Variants in MGMT observed in about 807,000 individuals in gnomAD.
MGMT encodes the protein methylated-DNA--protein-cysteine methyltransferase.
Under a neutral mutation model 15.9 loss-of-function variants are expected in MGMT, and 14 were observed. The observed-to-expected ratio is 0.88, with a 90% confidence interval of 0.58 to 1.37. MGMT has a LOEUF of 1.37. MGMT is among the 40% of genes most tolerant of loss of function. MGMT has a pLI of 0.00. For synonymous variants in MGMT, 130 were observed against 118.2 expected (o/e 1.10, Z -0.65); for missense variants, 282 against 268.1 (o/e 1.05, Z -0.36).
chr10:129,693,164 G>C (rs1847988598), intron 2 of MGMT, among the ~76,000 whole-genome samples: 1 of 152,202 alleles, frequency 6.6e-6, no homozygotes, highest in Admixed American at 6.5e-5. Context: ...TGGGACCACA[G>C]GAAAGGAGAA....
chr10:129,612,220 G>T (rs1846968900), intron 2 of MGMT, among the ~76,000 whole-genome samples: 1 of 152,210 alleles, frequency 6.6e-6, no homozygotes, highest in African/African-American at 2.4e-5. Context: ...ATAAAGGATT[G>T]TGGAGATGCA....
intron 2 of MGMT, among the ~76,000 whole-genome samples, chr10:129,672,643 T>G (rs1847737691): frequency 6.6e-6 from 1 of 152,232 alleles, no homozygotes; most frequent in Non-Finnish European, 1.5e-5. Context: ...ATAGAATACA[T>G]TATTTCAATG....
At chr10:129,724,773 C>A (rs866008013) in intron 3 of MGMT, among the ~76,000 whole-genome samples, 56 of 152,202 alleles carry the variant, frequency 3.7e-4, no homozygotes, top group Non-Finnish European at 7.3e-5. Flanking sequence ...CATTGTAAAA[C>A]TCTTCCAACT....
intron 2 of MGMT, among the ~76,000 whole-genome samples, chr10:129,657,650 G>C (rs1003963824): frequency 6.7e-6 from 1 of 148,542 alleles, no homozygotes; most frequent in South Asian, 2.1e-4. Context: ...GAGCTGGGGG[G>C]GGGACAGGCT....
intron 1 of MGMT, among the ~76,000 whole-genome samples, chr10:129,520,880 A>G (rs34189944): frequency 0.27 from 36,190 of 132,276 alleles, 5,331 homozygotes; most frequent in African/African-American, 0.46. Context: ...GAGCCCCTAC[A>G]GTGCGGGTGC....
chr10:129,478,212 A>T (rs1845316756), intron 1 of MGMT, among the ~76,000 whole-genome samples: 1 of 105,850 alleles, frequency 9.4e-6, no homozygotes, highest in South Asian at 4.1e-4. Flanking sequence ...GTTCATTGGG[A>T]TTCTTTTTGT....
chr10:129,746,032 G>A (rs1294903715), intron 3 of MGMT, among the ~76,000 whole-genome samples: 2 of 151,902 alleles, frequency 1.3e-5, no homozygotes, highest in African/African-American at 2.4e-5. Context: ...TCAGGAGATC[G>A]ACTGCATCCT....
chr10:129,501,225 T>G (rs1845571515), intron 1 of MGMT, among the ~76,000 whole-genome samples: 1 of 152,172 alleles, frequency 6.6e-6, no homozygotes, highest in Admixed American at 6.5e-5. Flanking sequence ...TTGTTCAAAG[T>G]TGCCCCCTCT....
At chr10:129,594,633 G>A (rs1314522093) in intron 2 of MGMT, among the ~76,000 whole-genome samples, 2 of 152,178 alleles carry the variant, frequency 1.3e-5, no homozygotes, top group Non-Finnish European at 2.9e-5. Flanking sequence ...GTATGAAATT[G>A]TTCCCATCAG....
chr10:129,482,735 T>C (rs548763633), intron 1 of MGMT, among the ~76,000 whole-genome samples: 1 of 152,228 alleles, frequency 6.6e-6, no homozygotes, highest in East Asian at 1.9e-4. Context: ...TTAGTGTTTC[T>C]GTGGTAACTG....
chr10:129,583,207 A>G (rs1846577781), intron 2 of MGMT, among the ~76,000 whole-genome samples: 1 of 152,262 alleles, frequency 6.6e-6, no homozygotes, highest in Non-Finnish European at 1.5e-5. Flanking sequence ...AACTTGTAGT[A>G]ATAAGTTAAA....
intron 2 of MGMT, among the ~76,000 whole-genome samples, chr10:129,691,057 T>C (rs1847963961): frequency 6.6e-6 from 1 of 152,188 alleles, no homozygotes; most frequent in South Asian, 2.1e-4. Context: ...ATAAGAGATG[T>C]TGCAAAGCAG....
chr10:129,561,201 T>C (rs1038566804), intron 2 of MGMT, among the ~76,000 whole-genome samples: 1 of 152,214 alleles, frequency 6.6e-6, no homozygotes, highest in Non-Finnish European at 1.5e-5. Context: ...CTTTCCTTAC[T>C]ATATTATTAG....
At chr10:129,572,468 A>G (rs928684689) in intron 2 of MGMT, among the ~76,000 whole-genome samples, 2 of 152,212 alleles carry the variant, frequency 1.3e-5, no homozygotes, top group African/African-American at 2.4e-5. Flanking sequence ...TGCTCTACTT[A>G]CTTAGACGTC....
intron 2 of MGMT, among the ~76,000 whole-genome samples, chr10:129,661,608 A>G (rs1033774655): frequency 1.3e-5 from 2 of 152,148 alleles, no homozygotes; most frequent in African/African-American, 4.8e-5. Flanking sequence ...CAGTATGGCT[A>G]CTAGTCCTTT....
intron 3 of MGMT, among the ~76,000 whole-genome samples, chr10:129,718,637 T>C (rs1848329339): frequency 1.3e-5 from 2 of 152,208 alleles, no homozygotes; most frequent in African/African-American, 4.8e-5. Context: ...TCCTTTGTCC[T>C]CTCCTGGTGA....
Position 129,504,230 on chromosome 10 carries a change from A to G in MGMT, c.-12-32011A>G, listed in dbSNP as rs147198876. On this transcript the variant is annotated intron_variant, in intron 1 of 4. Transcript: ENST00000651593. ...TGTACCTGGAACACAGCAGCTGCAA[A>G]TGGAGATTGAGACAGTTTTGTTTAT... 1.5e-3 allele frequency among the ~76,000 whole-genome samples: 226 copies of G among 152,366 alleles called. 1 individual carries two copies. The highest frequency in any genetic ancestry group is 8.3e-3 in the South Asian group (40 of 4,830).
chr10:129,671,769 C>T (rs529107800), intron 2 of MGMT, among the ~76,000 whole-genome samples: 53 of 152,274 alleles, frequency 3.5e-4, no homozygotes, highest in African/African-American at 1.2e-3. Flanking sequence ...ACGTCATTGC[C>T]GAACACGTGA....
At chr10:129,482,094 G>A (rs1041873862) in intron 1 of MGMT, among the ~76,000 whole-genome samples, 3 of 152,164 alleles carry the variant, frequency 2.0e-5, no homozygotes, top group Non-Finnish European at 2.9e-5. Flanking sequence ...TAGACATGCT[G>A]TGTTTTCATT....
Sources: gnomAD v4.1 joint callset for allele counts (sites outside exome capture counted in the v4.1 genomes callset) on GRCh38, gnomAD v4.1.1 for gene constraint, MANE v1.5 for transcripts, NCBI Gene and HGNC (gene_info 2026-07-23, HGNC 2026-07-21) for gene names.